The following GRID1 variants were observed in gnomAD, a reference collection of about 807,000 sequenced individuals.
The protein encoded by GRID1 is glutamate receptor ionotropic, delta-1.
In GRID1, 28 loss-of-function variants were observed where a neutral mutation model predicts 98.0. The observed-to-expected ratio is 0.29, with a 90% CI of 0.21 to 0.39. The LOEUF (loss-of-function observed/expected upper bound fraction) is 0.39, where lower values mean the gene tolerates loss of function less well. GRID1 is among the 10% of genes least tolerant of loss of function. GRID1 has a pLI of 1.00. For missense variants in GRID1, 1,111 were observed against 1,340.5 expected, an observed-to-expected ratio of 0.83 and a Z score of 2.67; for synonymous variants, 553 against 538.5, an observed-to-expected ratio of 1.03 and a Z score of -0.37.
chr10:85,989,862 G>C (rs1028588921), intron 4 of GRID1, among the ~76,000 whole-genome samples: 1 of 152,202 alleles, frequency 6.6e-6, no homozygotes, highest in East Asian at 1.9e-4. Flanking sequence ...GATGGTATTA[G>C]GACATGGAAC....
intron 4 of GRID1, among the ~76,000 whole-genome samples, chr10:85,956,096 C>T (rs1339116527): frequency 6.6e-6 from 1 of 152,226 alleles, no homozygotes; most frequent in Non-Finnish European, 1.5e-5. Flanking sequence ...AGCCCCTGGG[C>T]AGCCTCACTG....
At chr10:85,940,825 G>A (rs1441580850) in intron 4 of GRID1, among the ~76,000 whole-genome samples, 1 of 152,240 alleles carries the variant, frequency 6.6e-6, no homozygotes, top group African/African-American at 2.4e-5. Context: ...AAGAGGCAGA[G>A]CCAGACCCTG....
chr10:85,948,279 T>C (rs74631076), intron 4 of GRID1, among the ~76,000 whole-genome samples: 7,889 of 152,302 alleles, frequency 0.052, 245 homozygotes, highest in Middle Eastern at 0.11. Context: ...AAGTGAAAAG[T>C]TTATTTTTAA....
chr10:85,956,120 T>C (rs116446129), intron 4 of GRID1, among the ~76,000 whole-genome samples: 1 of 152,352 alleles, frequency 6.6e-6, no homozygotes, highest in African/African-American at 2.4e-5. Flanking sequence ...AGCCTCTTTC[T>C]TTCAGCACTC....
At chr10:85,729,715 G>T in intron 8 of GRID1, 101 bp from the exon 9 acceptor site, 1 of 684,296 alleles carries the variant, frequency 1.5e-6, no homozygotes, top group South Asian at 1.8e-5. Flanking sequence ...GCAGGTAGGT[G>T]AACAGTAGTC....
At chr10:86,204,902 GAAGGCCTGGCCC>G (rs1287845003) in intron 3 of GRID1, among the ~76,000 whole-genome samples, 1 of 151,392 alleles carries the variant, frequency 6.6e-6, no homozygotes, top group East Asian at 2.0e-4. Context: ...GGTTCTCGGG[GAAGGCCTGGCCC>G]CTAAGAGATC....
intron 2 of GRID1, among the ~76,000 whole-genome samples, chr10:86,285,116 T>TCTACCCCTCCTCAGCCC (rs1326012362): frequency 9.2e-6 from 1 of 108,728 alleles, no homozygotes; most frequent in Non-Finnish European, 1.8e-5. Flanking sequence ...GACCTTTGCC[T>TCTACCCCTCCTCAGCCC]CTACCCCTCC....
chr10:85,880,609 G>C (rs1478009557), intron 5 of GRID1, among the ~76,000 whole-genome samples: 14 of 151,840 alleles, frequency 9.2e-5, no homozygotes, highest in South Asian at 6.3e-4. Flanking sequence ...ATTAGGTATT[G>C]ATGGGACATA....
At chr10:85,746,199 A>C (rs1378843294) in intron 8 of GRID1, among the ~76,000 whole-genome samples, 3 of 152,230 alleles carry the variant, frequency 2.0e-5, no homozygotes, top group African/African-American at 7.2e-5. Flanking sequence ...AAAGAGCTTC[A>C]TCTGTACCTC....
intron 8 of GRID1, among the ~76,000 whole-genome samples, chr10:85,809,364 T>C (rs534728348): frequency 2.0e-5 from 3 of 152,212 alleles, no homozygotes; most frequent in Admixed American, 6.5e-5. Context: ...TTCAGTAGGA[T>C]AAAAGTAATA....
chr10:85,674,713 G>GTTT (rs796827862), intron 12 of GRID1, among the ~76,000 whole-genome samples: 5 of 145,338 alleles, frequency 3.4e-5, no homozygotes, highest in African/African-American at 1.3e-4. Context: ...AAAATTGCAG[G>GTTT]TTTTTTTTTT....
chr10:86,201,005 T>G (rs1179323944), intron 3 of GRID1, among the ~76,000 whole-genome samples: 1 of 152,342 alleles, frequency 6.6e-6, no homozygotes, highest in East Asian at 1.9e-4. Context: ...GGAAAACAGT[T>G]TGGTCTAACC....
At chr10:86,203,576 A>G (rs1293023373) in intron 3 of GRID1, among the ~76,000 whole-genome samples, 4 of 93,174 alleles carry the variant, frequency 4.3e-5, no homozygotes, top group African/African-American at 1.1e-4. Context: ...ACCAAGCCTC[A>G]ATGCTTGTCA....
chr10:85,956,395 A>C (rs1842193539), intron 4 of GRID1, among the ~76,000 whole-genome samples: 1 of 152,180 alleles, frequency 6.6e-6, no homozygotes, highest in Admixed American at 6.5e-5. Context: ...GGAAACTTAT[A>C]AGCTGCCAAT....
intron 12 of GRID1, among the ~76,000 whole-genome samples, chr10:85,666,679 G>T (rs950417779): frequency 6.6e-6 from 1 of 152,188 alleles, no homozygotes; most frequent in African/African-American, 2.4e-5. Context: ...GGTTACTACA[G>T]GGGACGTGAC....
intron 5 of GRID1, among the ~76,000 whole-genome samples, chr10:85,871,139 A>G (rs1843274490): frequency 6.6e-6 from 1 of 152,206 alleles, no homozygotes; most frequent in Non-Finnish European, 1.5e-5. Context: ...AATATCATAA[A>G]TAAAAAATGC....
intron 12 of GRID1, chr10:85,709,088 G>A: frequency 2.9e-6 from 1 of 339,908 alleles, no homozygotes; most frequent in Non-Finnish European, 5.9e-6. Flanking sequence ...GAAAACCCCT[G>A]TTAAGGGAAT....
intron 8 of GRID1, among the ~76,000 whole-genome samples, chr10:85,827,243 A>G (rs764849785): frequency 1.3e-5 from 2 of 152,202 alleles, no homozygotes; most frequent in Non-Finnish European, 2.9e-5. Flanking sequence ...ATAGAATGAT[A>G]TGGGAGCTGA....
At chr10:85,661,412 T>C (rs1047651962) in intron 12 of GRID1, among the ~76,000 whole-genome samples, 1 of 152,210 alleles carries the variant, frequency 6.6e-6, no homozygotes, top group Admixed American at 6.5e-5. Flanking sequence ...CATCATGCAC[T>C]TTTTTCTCTG....
Sources: allele counts gnomAD v4.1 joint callset (sites outside exome capture counted in the v4.1 genomes callset), GRCh38; gene constraint gnomAD v4.1.1; transcripts MANE v1.5; gene names NCBI Gene and HGNC (gene_info 2026-07-23, HGNC 2026-07-21).